The following MAP3K3 variants were observed in gnomAD, a reference collection of about 807,000 sequenced individuals.
MAP3K3 encodes the protein MAP/ERK kinase kinase 3.
In MAP3K3, 12 loss-of-function variants were observed where a neutral mutation model predicts 80.9. The observed-to-expected ratio is 0.15, with a 90% CI of 0.10 to 0.24. The LOEUF is 0.24. Among genes scored for constraint, MAP3K3 ranks in the 10% least tolerant of loss-of-function variants. MAP3K3 has a pLI of 1.00. For synonymous variants in MAP3K3, 272 were observed against 307.1 expected (o/e 0.89, Z 1.19); for missense variants, 596 against 834.7 (o/e 0.71, Z 3.52).
Position 63,694,090 on chromosome 17 carries a change from T to C in MAP3K3, c.*313T>C. The C allele has an allele frequency of 3.3e-6, 1 of 299,250 alleles. No individual in the cohort carries two copies. The highest frequency in any genetic ancestry group is 6.2e-6 in the Non-Finnish European group (1 of 160,954). The allele number at this position is 299,250 out of a possible 1,614,324, so 18.5% of individuals were successfully genotyped here. A position where few individuals can be genotyped will look rare whatever the true frequency, so the allele number is the denominator to read the frequency against. On this transcript the variant is annotated 3_prime_UTR_variant, in exon 16 of 16. Coordinates refer to ENST00000361733, the MANE Select transcript of MAP3K3 (RefSeq NM_002401.5). ...CACCCTCGGGGATGTGTCCTGACAC[T>C]GCAATTGGCACCGAAGCCCAGAGGG...
chr17:63,687,725 C>T (rs1444428468), intron 8 of MAP3K3, among the ~76,000 whole-genome samples: 43 of 150,692 alleles, frequency 2.9e-4, no homozygotes, highest in Non-Finnish European at 1.5e-5. Context: ...CGCGGTGGCT[C>T]ATGCCTGTAG....
At chr17:63,668,792 A>T (rs756134595) in intron 6 of MAP3K3, among the ~76,000 whole-genome samples, 2 of 152,216 alleles carry the variant, frequency 1.3e-5, no homozygotes, top group African/African-American at 2.4e-5. Flanking sequence ...GCCTCTTAGC[A>T]TACCTAGATC....
chr17:63,640,571 A>G (rs2143248584), intron 2 of MAP3K3, among the ~76,000 whole-genome samples: 1 of 152,326 alleles, frequency 6.6e-6, no homozygotes, highest in Admixed American at 6.5e-5. Flanking sequence ...CCTGTCCTGA[A>G]TAGACACAGG....
rs1164420584 is a variant in MAP3K3 at position 63,693,147 on chromosome 17, C to G, written c.1653-402C>G. ...CAGGTTCTCCCCTCAGAGCCTCTGA[C>G]AGGAACCAGCCCTGCCGCCACCTTG... On this transcript the variant is annotated intron_variant, in intron 15 of 15. Coordinates refer to ENST00000361733, the MANE Select transcript of MAP3K3 (RefSeq NM_002401.5). This position sits in a 1 kb window ranked among gnomAD's most constrained non-coding sequence, Gnocchi z 4.2. Among the ~76,000 whole-genome samples, 1 of 152,198 alleles carries G rather than the reference C, an allele frequency of 6.6e-6. No homozygotes were observed. The highest frequency in any genetic ancestry group is 1.5e-5 in the Non-Finnish European group (1 of 68,034).
Position 63,691,283 on chromosome 17 carries a change from C to T in MAP3K3, c.1344+50C>T. 6.2e-7 allele frequency: 1 copy of T among 1,611,148 alleles called. No individual in the cohort carries two copies. Among genetic ancestry groups the T allele is most frequent in the Middle Eastern group, 1.7e-4 (1 of 6,048 alleles). ...AGACACACACAAAAGAGGGCCTGAC[C>T]TGGGGGCTGGGGCCTGCAGGAGGGG... On this transcript the variant is annotated intron_variant, in intron 13 of 15. Transcript: ENST00000361733. This position sits in a 1 kb window ranked among gnomAD's most constrained non-coding sequence, Gnocchi z 4.8.
rs546159259 is a variant in MAP3K3, at chr17:63,675,633, C to T, written c.503-6133C>T. ...GAATGAGGATAGCTGGCAGCTTAAA[C>T]CCCGCTTTTCTCCTTCTGTGTAAAA... On this transcript the variant is annotated intron_variant, in intron 6 of 15. Transcript: ENST00000361733. Among the ~76,000 whole-genome samples the T allele has an allele frequency of 5.3e-5, 8 of 152,364 alleles. No homozygotes were observed. In the South Asian group the frequency reaches 1.7e-3, roughly 32 times the overall value.
At chr17:63,636,709 C>G (rs2034331330) in intron 2 of MAP3K3, 1 of 274,638 alleles carries the variant, frequency 3.6e-6, no homozygotes. Flanking sequence ...GGCAGCCACA[C>G]TAGCAGAGGG....
In MAP3K3 at chr17:63,696,282, T is replaced by C. The variant is rs1452618186; in HGVS notation, c.*2505T>C. On this transcript the variant is annotated 3_prime_UTR_variant, in exon 16 of 16. Coordinates refer to ENST00000361733, the MANE Select transcript of MAP3K3 (RefSeq NM_002401.5). ...AAGCCAGGCCAGTGTTGCGCATTACTTACAATAAAAGGGATCATTTATATC... is the reference window on the plus strand; with the variant it reads ...AAGCCAGGCCAGTGTTGCGCATTACCTACAATAAAAGGGATCATTTATATC... The C allele has an allele frequency of 4.6e-5, 7 of 152,640 alleles. No individual in the cohort carries two copies. The highest frequency in any genetic ancestry group is 1.7e-4 in the African/African-American group (7 of 41,434). 9.5% of individuals were successfully genotyped at this position (152,640 alleles called of 1,614,324 possible). A position where few individuals can be genotyped will look rare whatever the true frequency, so the allele number is the denominator to read the frequency against.
chr17:63,643,548 A>G (rs936914985), intron 2 of MAP3K3, among the ~76,000 whole-genome samples: 2 of 152,172 alleles, frequency 1.3e-5, no homozygotes, highest in Admixed American at 6.5e-5. Flanking sequence ...AAACTGTACA[A>G]AGGGGAGAAG....
At chr17:63,657,661 C>T (rs1333160821) in intron 4 of MAP3K3, 133 bp from the exon 5 acceptor site, 1 of 477,720 alleles carries the variant, frequency 2.1e-6, no homozygotes, top group Non-Finnish European at 3.8e-6. Context: ...TCTCTTAAGA[C>T]CCCATAGTAT....
At chr17:63,665,233 T>G (rs756925584) in intron 5 of MAP3K3, among the ~76,000 whole-genome samples, 18 of 151,880 alleles carry the variant, frequency 1.2e-4, no homozygotes, top group Non-Finnish European at 2.1e-4. Context: ...TGGTGCGATC[T>G]CGGCTCACTG....
intron 8 of MAP3K3, chr17:63,688,063 C>T: frequency 9.3e-6 from 2 of 215,566 alleles, no homozygotes; most frequent in South Asian, 1.4e-4. Flanking sequence ...AGTGGATCTG[C>T]TATTATGCTA....
intron 11 of MAP3K3, 145 bp from the exon 12 acceptor site, chr17:63,690,119 C>T (rs540374631): frequency 1.1e-6 from 1 of 937,956 alleles, no homozygotes; most frequent in East Asian, 2.4e-5. Context: ...TGGGCTTGCT[C>T]CAGATTGTGG....
At chr17:63,653,021 G>A (rs185542994) in intron 4 of MAP3K3, among the ~76,000 whole-genome samples, 24 of 152,282 alleles carry the variant, frequency 1.6e-4, no homozygotes, top group South Asian at 4.1e-4. Context: ...TTTAGCAGGG[G>A]CTAGGGAGGT....
At chr17:63,668,792 A>G (rs756134595) in intron 6 of MAP3K3, among the ~76,000 whole-genome samples, 5 of 152,216 alleles carry the variant, frequency 3.3e-5, no homozygotes, top group African/African-American at 9.7e-5. Context: ...GCCTCTTAGC[A>G]TACCTAGATC....
At position 63,667,053 on chromosome 17, in the gene MAP3K3, C is replaced by A; in HGVS notation, c.495C>A (p.Leu165=). 1.2e-6 allele frequency: 2 copies of A among 1,602,536 alleles called. No individual in the cohort carries two copies. The highest frequency in any genetic ancestry group is 1.3e-5 in the African/African-American group (1 of 74,224). Residue 165 remains leucine, a synonymous_variant, in exon 6 of 16, where the codon CTC becomes CTA. Transcript: ENST00000361733. ...YQPPEPRSRH[L]SVSSQNPGRS... is the part of the protein sequence containing the mutation. The stretch of plus-strand genomic sequence containing the variant: ...CCCCCGAGCCCAGAAGCAGGCACCT[C>A]TCTGTCAGTGAGTATTTCAACCCTT...
At chr17:63,651,422 G>A (rs1432427887) in intron 3 of MAP3K3, among the ~76,000 whole-genome samples, 4 of 131,922 alleles carry the variant, frequency 3.0e-5, no homozygotes, top group African/African-American at 6.8e-5. Context: ...GCAGTGAGCC[G>A]TTATCATTGC....
chr17:63,647,343 A>G (rs1472784953), intron 3 of MAP3K3, among the ~76,000 whole-genome samples: 2 of 152,164 alleles, frequency 1.3e-5, no homozygotes, highest in African/African-American at 4.8e-5. Context: ...CACTGTTGCT[A>G]CTTTTCACAT....
intron 6 of MAP3K3, among the ~76,000 whole-genome samples, chr17:63,677,237 T>C (rs1415039261): frequency 6.6e-6 from 1 of 152,208 alleles, no homozygotes; most frequent in Non-Finnish European, 1.5e-5. Flanking sequence ...TGAACCCACG[T>C]ATATCTAATT....
Sources: gnomAD v4.1 joint callset for allele counts (sites outside exome capture counted in the v4.1 genomes callset) on GRCh38, gnomAD v4.1.1 for gene constraint, Gnocchi (gnomAD v3.1) non-coding constraint, MANE v1.5 for transcripts, NCBI Gene and HGNC (gene_info 2026-07-23, HGNC 2026-07-21) for gene names.